Variants in SH3RF1 observed in about 807,000 individuals in gnomAD.
SH3RF1 encodes the protein E3 ubiquitin-protein ligase SH3RF1.
A neutral mutation model predicts 74.0 loss-of-function variants in SH3RF1; 32 were observed. The ratio of observed to expected loss-of-function variants is 0.43; its 90% CI spans 0.33 to 0.58. The LOEUF (loss-of-function observed/expected upper bound fraction) is 0.58, where lower values mean the gene tolerates loss of function less well. SH3RF1 is among the 20% of genes least tolerant of loss of function. SH3RF1 has a pLI of 0.05. For synonymous variants in SH3RF1, 396 were observed against 439.6 expected, an observed-to-expected ratio of 0.90 and a Z score of 1.24; for missense variants, 954 against 1,130.9, an observed-to-expected ratio of 0.84 and a Z score of 2.24.
At chr4:169,155,654 T>C in intron 3 of SH3RF1, 79 bp from the exon 4 acceptor site, 1 of 1,018,182 alleles carries the variant, frequency 9.8e-7, no homozygotes, top group Non-Finnish European at 1.5e-6. Context: ...TCCTTTTCAA[T>C]AAAGAGACTC....
intron 2 of SH3RF1, among the ~76,000 whole-genome samples, chr4:169,229,921 C>G (rs1443211873): frequency 6.6e-6 from 1 of 152,146 alleles, no homozygotes; most frequent in African/African-American, 2.4e-5. Context: ...AAAAACAATG[C>G]TTGGCCAGGC....
At chr4:169,255,622 T>TACACACACACACACAC (rs56229906) in intron 2 of SH3RF1, among the ~76,000 whole-genome samples, 1,704 of 124,274 alleles carry the variant, frequency 0.014, 39 homozygotes, top group South Asian at 0.038. Context: ...CATACACACA[T>TACACACACACACACAC]ACACACACAC....
Position 169,225,675 on chromosome 4 carries a change from C to T in SH3RF1, c.393+43145G>A, listed in dbSNP as rs148696764. On this transcript the variant is annotated intron_variant, in intron 2 of 11. Transcript: ENST00000284637. Reference sequence around the variant, plus strand: ...TCAGTCTGAGGAAATGTGGATGAGCCTACACTATTTTTCAAGGATTGGTTA... The same window carrying T: ...TCAGTCTGAGGAAATGTGGATGAGCTTACACTATTTTTCAAGGATTGGTTA... Among the ~76,000 whole-genome samples, 731 of 152,210 alleles carry T rather than the reference C, an allele frequency of 4.8e-3. 3 individuals are homozygous for T. The highest frequency in any genetic ancestry group is 0.017 in the Middle Eastern group (5 of 294).
At chr4:169,189,624 A>G (rs1314761481) in intron 2 of SH3RF1, among the ~76,000 whole-genome samples, 1 of 152,216 alleles carries the variant, frequency 6.6e-6, no homozygotes, top group Non-Finnish European at 1.5e-5. Context: ...GTGGTGGCCT[A>G]TGCTGTTAGA....
intron 4 of SH3RF1, among the ~76,000 whole-genome samples, chr4:169,143,432 C>A (rs1395729474): frequency 6.6e-6 from 1 of 152,130 alleles, no homozygotes; most frequent in East Asian, 1.9e-4. Context: ...TGCTCAACAG[C>A]GACATGTGCA....
chr4:169,164,678 T>C (rs1167337016), intron 2 of SH3RF1, among the ~76,000 whole-genome samples: 1 of 152,234 alleles, frequency 6.6e-6, no homozygotes, highest in Non-Finnish European at 1.5e-5. Context: ...CACTGTGTTC[T>C]AGACACTGGA....
chr4:169,129,560 C>T (rs554203958), intron 6 of SH3RF1, among the ~76,000 whole-genome samples: 1 of 152,232 alleles, frequency 6.6e-6, no homozygotes, highest in African/African-American at 2.4e-5. Context: ...ACTGAAGGTG[C>T]CTTTAAACAG....
intron 2 of SH3RF1, among the ~76,000 whole-genome samples, chr4:169,244,797 T>G (rs1190397612): frequency 1.3e-5 from 2 of 152,228 alleles, no homozygotes; most frequent in African/African-American, 2.4e-5. Context: ...TTGCCGTTGT[T>G]ATAACCTGTT....
At chr4:169,235,257 C>G (rs1730807949) in intron 2 of SH3RF1, among the ~76,000 whole-genome samples, 1 of 152,166 alleles carries the variant, frequency 6.6e-6, no homozygotes, top group African/African-American at 2.4e-5. Context: ...CAGTGATATC[C>G]TTACAGACTA....
intron 2 of SH3RF1, among the ~76,000 whole-genome samples, chr4:169,268,450 T>C (rs1024562261): frequency 6.6e-6 from 1 of 152,222 alleles, no homozygotes; most frequent in Non-Finnish European, 1.5e-5. Flanking sequence ...ACTACATATG[T>C]ACTACATACA....
intron 2 of SH3RF1, among the ~76,000 whole-genome samples, chr4:169,241,098 C>G (rs536102847): frequency 2.6e-5 from 4 of 152,066 alleles, no homozygotes; most frequent in African/African-American, 9.7e-5. Flanking sequence ...AGCGTGGTGG[C>G]GGGCGCCTGT....
chr4:169,115,324 A>C (rs1733312372), intron 10 of SH3RF1, among the ~76,000 whole-genome samples: 1 of 152,216 alleles, frequency 6.6e-6, no homozygotes. Flanking sequence ...GGTGAGCTGC[A>C]GGTGAGTGAG....
intron 4 of SH3RF1, among the ~76,000 whole-genome samples, chr4:169,153,284 C>G (rs893084406): frequency 2.5e-4 from 38 of 152,248 alleles, no homozygotes; most frequent in Middle Eastern, 3.4e-3. Flanking sequence ...TCAATCTTCT[C>G]CAAACTTCTA....
intron 4 of SH3RF1, among the ~76,000 whole-genome samples, chr4:169,143,753 C>T (rs549909546): frequency 2.9e-4 from 44 of 152,268 alleles, no homozygotes; most frequent in African/African-American, 9.9e-4. Flanking sequence ...CCTGGCTGCA[C>T]TAGGTTAGGA....
intron 2 of SH3RF1, among the ~76,000 whole-genome samples, chr4:169,267,338 C>T (rs985878131): frequency 1.3e-5 from 2 of 151,504 alleles, no homozygotes; most frequent in East Asian, 3.9e-4. Context: ...GAAACAAAAC[C>T]TTTCCAAAGA....
At chr4:169,236,311 T>G (rs1244647939) in intron 2 of SH3RF1, among the ~76,000 whole-genome samples, 4 of 152,198 alleles carry the variant, frequency 2.6e-5, no homozygotes, top group Non-Finnish European at 4.4e-5. Context: ...GCCAATTCCC[T>G]TCCTGGAAGC....
At chr4:169,263,279 C>T (rs1280496160) in intron 2 of SH3RF1, among the ~76,000 whole-genome samples, 1 of 152,188 alleles carries the variant, frequency 6.6e-6, no homozygotes. Flanking sequence ...AGAACCCCAT[C>T]ATAGATAGAG....
At chr4:169,250,867 G>A (rs1731093110) in intron 2 of SH3RF1, among the ~76,000 whole-genome samples, 1 of 152,186 alleles carries the variant, frequency 6.6e-6, no homozygotes, top group African/African-American at 2.4e-5. Flanking sequence ...CATTTGAAAA[G>A]AGACCAAACT....
intron 4 of SH3RF1, among the ~76,000 whole-genome samples, chr4:169,142,650 C>T (rs549226159): frequency 6.6e-6 from 1 of 152,170 alleles, no homozygotes; most frequent in African/African-American, 2.4e-5. Context: ...GTTTGAAATG[C>T]CATGTTTTAA....
Sources: allele counts gnomAD v4.1 joint callset (sites outside exome capture counted in the v4.1 genomes callset), GRCh38; gene constraint gnomAD v4.1.1; transcripts MANE v1.5; gene names NCBI Gene and HGNC (gene_info 2026-07-23, HGNC 2026-07-21).